The following STMN2 variants were observed in gnomAD, a reference collection of about 807,000 sequenced individuals.
The protein encoded by STMN2 is stathmin-2.
STMN2 carries 2 observed loss-of-function variants against 24.1 expected under a neutral mutation model. The ratio of observed to expected loss-of-function variants is 0.08; its 90% CI spans 0.03 to 0.26. STMN2 has a LOEUF of 0.26. Ranked by LOEUF, STMN2 falls within the 10% of genes least tolerant of loss-of-function variation. The probability of loss-of-function intolerance (pLI) is 1.00; values close to 1 mark genes in which losing one functional copy is unlikely to be tolerated. For synonymous variants in STMN2, 83 were observed against 77.5 expected (o/e 1.07, Z -0.37); for missense variants, 114 against 213.6 (o/e 0.53, Z 2.91).
intron 1 of STMN2, among the ~76,000 whole-genome samples, chr8:79,617,298 A>G (rs1448719871): frequency 6.6e-6 from 1 of 152,230 alleles, no homozygotes; most frequent in African/African-American, 2.4e-5. Context: ...CCATGCAGTG[A>G]CTGGCTGACC....
At position 79,655,032 on chromosome 8, in the gene STMN2, A is replaced by G. The variant is rs1444322786; in HGVS notation, c.450A>G (p.Leu150=). The G allele has an allele frequency of 2.5e-6, 4 of 1,614,020 alleles. No homozygotes were observed. The highest frequency in any genetic ancestry group is 3.4e-6 in the Non-Finnish European group (4 of 1,179,916). The change falls in exon 4 of 5, where the codon CTA becomes CTG. Residue 150 remains leucine, a synonymous_variant. Coordinates refer to ENST00000220876, the MANE Select transcript of STMN2 (RefSeq NM_007029.4). ...TTAAGGAAAACCGTGAGGCTAATCT[A>G]GCTGCTATTATTGAACGTCTGCAGG... ...EQIKENREAN[L]AAIIERLQEK...
At chr8:79,650,615 C>T (rs1485776150) in intron 3 of STMN2, among the ~76,000 whole-genome samples, 1 of 152,066 alleles carries the variant, frequency 6.6e-6, no homozygotes, top group Non-Finnish European at 1.5e-5. Context: ...CAATTTCTAC[C>T]TAAGAAATGA....
intron 1 of STMN2, among the ~76,000 whole-genome samples, chr8:79,631,680 A>G (rs935181131): frequency 1.3e-5 from 2 of 152,302 alleles, no homozygotes; most frequent in South Asian, 4.1e-4. Context: ...ATTTTGGTCT[A>G]TTTTGTCTTT....
At chr8:79,636,705 C>G (rs557430910) in intron 1 of STMN2, 97 bp from the exon 2 acceptor site, 3 of 1,116,020 alleles carry the variant, frequency 2.7e-6, no homozygotes, top group Admixed American at 2.2e-5. Flanking sequence ...GCAATATTCA[C>G]TCTGCAGGAG....
At chr8:79,629,407 G>A (rs554029015) in intron 1 of STMN2, among the ~76,000 whole-genome samples, 1 of 152,136 alleles carries the variant, frequency 6.6e-6, no homozygotes, top group Non-Finnish European at 1.5e-5. Context: ...TTAACTAACT[G>A]TTCAGTTTTT....
chr8:79,639,834 C>CA (rs1810051790), intron 2 of STMN2, among the ~76,000 whole-genome samples: 1 of 152,092 alleles, frequency 6.6e-6, no homozygotes, highest in Non-Finnish European at 1.5e-5. Context: ...GTGATGAGAA[C>CA]AAAAAATCTA....
At chr8:79,633,005 T>C (rs561030350) in intron 1 of STMN2, among the ~76,000 whole-genome samples, 251 of 149,598 alleles carry the variant, frequency 1.7e-3, no homozygotes, top group African/African-American at 5.4e-3. Flanking sequence ...ATTAAGTCTC[T>C]TCCCTTTTTT....
At chr8:79,649,189 A>G (rs572503841) in intron 3 of STMN2, among the ~76,000 whole-genome samples, 44 of 152,212 alleles carry the variant, frequency 2.9e-4, no homozygotes, top group African/African-American at 9.9e-4. Flanking sequence ...TTGTATAGCA[A>G]TGGATTATGA....
intron 1 of STMN2, 48 bp from the exon 2 acceptor site, chr8:79,636,754 G>A: frequency 6.4e-7 from 1 of 1,550,960 alleles, no homozygotes; most frequent in Non-Finnish European, 8.9e-7. Context: ...GCAGTAAAGA[G>A]AAATTCAGAA....
chr8:79,626,039 A>G (rs1255956218), intron 1 of STMN2, among the ~76,000 whole-genome samples: 1 of 152,236 alleles, frequency 6.6e-6, no homozygotes, highest in Admixed American at 6.5e-5. Flanking sequence ...AATGTCTTGC[A>G]CAGCACTTCA....
At chr8:79,662,287 T>C (rs1370814161) in intron 4 of STMN2, among the ~76,000 whole-genome samples, 2 of 152,114 alleles carry the variant, frequency 1.3e-5, no homozygotes, top group African/African-American at 4.8e-5. Context: ...AATTTAGATA[T>C]GCTTGGGCCT....
rs76603987 is a variant in STMN2, at chr8:79,628,126, G to A, written c.20-8676G>A. Among the ~76,000 whole-genome samples, 759 of 152,084 alleles carry A rather than the reference G, an allele frequency of 5.0e-3. 48 individuals are homozygous for A. In the East Asian group the frequency reaches 0.13, roughly 27 times the overall value. On this transcript the variant is annotated intron_variant, in intron 1 of 4. Coordinates refer to ENST00000220876, the MANE Select transcript of STMN2 (RefSeq NM_007029.4). ...TGATGGGATATATACCCAGTAGTGG[G>A]ACTGCTGGATCATCTAGTAGTTTTA...
Position 79,625,115 on chromosome 8 carries a change from T to G in STMN2, c.20-11687T>G, listed in dbSNP as rs202098883. ...AGGAAGAGTCGAGTTTCAAATCTAA[T>G]GATCTTTCCACTGCACTCTAGATTC... On this transcript the variant is annotated intron_variant, in intron 1 of 4. Transcript: ENST00000220876. 2.3e-4 allele frequency among the ~76,000 whole-genome samples: 35 copies of G among 152,340 alleles called. No homozygotes were observed. In the East Asian group the frequency reaches 6.4e-3, roughly 28 times the overall value.
chr8:79,643,555 C>T (rs1585898702), intron 3 of STMN2, among the ~76,000 whole-genome samples: 1 of 152,042 alleles, frequency 6.6e-6, no homozygotes, highest in South Asian at 2.1e-4. Context: ...CACAATTCAA[C>T]ATCCTGATTT....
At chr8:79,654,677 A>G (rs1810409763) in intron 3 of STMN2, among the ~76,000 whole-genome samples, 194 bp from the exon 4 acceptor site, 1 of 152,220 alleles carries the variant, frequency 6.6e-6, no homozygotes, top group Admixed American at 6.5e-5. Flanking sequence ...CTGAAAATTC[A>G]GCTAACCGCA....
rs1806579152 is a variant in STMN2 at position 79,665,412 on chromosome 8, AC to A, written c.*539del. On this transcript the variant is annotated 3_prime_UTR_variant, in exon 5 of 5. Transcript: ENST00000220876. ...CTTCACATTTGTTCGCTCATAATCT[AC>A]TTACTGCCTAAAAACTACAAAACCA... The A allele has an allele frequency of 6.5e-6, 1 of 154,424 alleles. No individual in the cohort carries two copies. Among genetic ancestry groups the A allele is most frequent in the Non-Finnish European group, 1.5e-5 (1 of 68,250 alleles). 9.6% of individuals were successfully genotyped at this position (154,424 alleles called of 1,614,324 possible).
At chr8:79,629,795 TA>T (rs1809756443) in intron 1 of STMN2, among the ~76,000 whole-genome samples, 1 of 152,190 alleles carries the variant, frequency 6.6e-6, no homozygotes, top group Non-Finnish European at 1.5e-5. Flanking sequence ...GAAACATCGA[TA>T]AATATTACTT....
At chr8:79,634,369 G>A (rs1024403288) in intron 1 of STMN2, among the ~76,000 whole-genome samples, 1 of 152,170 alleles carries the variant, frequency 6.6e-6, no homozygotes, top group South Asian at 2.1e-4. Flanking sequence ...AAATTCCAAA[G>A]GCGTTCAACA....
chr8:79,662,460 A>G (rs1798791), intron 4 of STMN2, among the ~76,000 whole-genome samples: 48,165 of 151,966 alleles, frequency 0.32, 9,555 homozygotes, highest in Non-Finnish European at 0.45. Context: ...AACAGACTGT[A>G]TGGGAAATTA....
Sources: allele counts gnomAD v4.1 joint callset (sites outside exome capture counted in the v4.1 genomes callset), GRCh38; gene constraint gnomAD v4.1.1; transcripts MANE v1.5; gene names NCBI Gene and HGNC (gene_info 2026-07-23, HGNC 2026-07-21).